ZNF18: variants seen among roughly 807,000 people sequenced by gnomAD.
ZNF18 encodes the protein zinc finger protein 18.
ZNF18 carries 42 observed loss-of-function variants against 58.1 expected under a neutral mutation model. The observed-to-expected ratio is 0.72, with a 90% CI of 0.56 to 0.93. The LOEUF is 0.93. ZNF18 is among the 40% of genes least tolerant of loss of function. ZNF18 has a pLI of 0.00. For missense variants in ZNF18, 540 were observed against 644.2 expected (o/e 0.84, Z 1.75); for synonymous variants, 231 against 239.8 (o/e 0.96, Z 0.34).
chr17:11,977,783 C>A lies in ZNF18; in HGVS notation c.*174G>T, dbSNP rs2151464731. On this transcript the variant is annotated 3_prime_UTR_variant, in exon 7 of 7. Coordinates refer to ENST00000580306, the MANE Select transcript of ZNF18 (RefSeq NM_001303281.2). ...TCAAGAATTTAAGCCATTGTGCAATCCAATCCAAGATATCCTCCAAGTCCA... is the reference window on the plus strand; with the variant it reads ...TCAAGAATTTAAGCCATTGTGCAATACAATCCAAGATATCCTCCAAGTCCA... 1 of 696,964 alleles carries A rather than the reference C, an allele frequency of 1.4e-6. No homozygotes were observed. Among genetic ancestry groups the A allele is most frequent in the East Asian group, 2.8e-5 (1 of 35,606 alleles). 43.2% of individuals were successfully genotyped at this position (696,964 alleles called of 1,614,324 possible).
intron 1 of ZNF18, chr17:11,997,043 G>C (rs1474619755): frequency 2.0e-5 from 3 of 152,472 alleles, no homozygotes; most frequent in Admixed American, 1.3e-4. Context: ...ACTGCACTCT[G>C]ATGAGAGAGG....
intron 5 of ZNF18, among the ~76,000 whole-genome samples, 179 bp downstream of exon 5, chr17:11,983,933 AG>A (rs1355536454): frequency 2.0e-5 from 3 of 152,200 alleles, no homozygotes; most frequent in African/African-American, 4.8e-5. Flanking sequence ...TTTCAATACA[AG>A]GAAGTTCTTA....
the ZNF18 span, among the ~76,000 whole-genome samples, chr17:12,018,027 G>T: frequency 6.6e-6 from 1 of 152,168 alleles, no homozygotes; most frequent in East Asian, 1.9e-4. Context: ...GGGGGACTTT[G>T]ATATTGCCAT....
the ZNF18 span, among the ~76,000 whole-genome samples, chr17:12,015,284 A>G: frequency 6.6e-6 from 1 of 152,194 alleles, no homozygotes; most frequent in Non-Finnish European, 1.5e-5. Flanking sequence ...GGTCTCACAT[A>G]AGACCACATT....
upstream of ZNF18, among the ~76,000 whole-genome samples, chr17:11,997,751 G>A (rs1280960537): frequency 1.3e-5 from 2 of 152,188 alleles, no homozygotes; most frequent in African/African-American, 4.8e-5. Flanking sequence ...CCAGGCACTC[G>A]GCCAAGCACT....
At chr17:11,985,088 G>A (rs184746106) in intron 4 of ZNF18, among the ~76,000 whole-genome samples, 47 of 152,294 alleles carry the variant, frequency 3.1e-4, no homozygotes, top group Middle Eastern at 6.8e-3. Flanking sequence ...TTAAAGTTCT[G>A]CATTTAGAGT....
chr17:11,978,645 G>C lies in ZNF18; in HGVS notation c.962C>G (p.Ser321Cys). ...GAAGAAGCCCCTCAAGGAAGCCTGA[G>C]AAGGAACCTCTCCTGAAGCTTGACA... ...ASCQASGEVP[S>C]QASLRGFFTE... Residue 321 changes from serine to cysteine, a missense_variant, in exon 7 of 7, where the codon TCT becomes TGT. Coordinates refer to ENST00000580306, the MANE Select transcript of ZNF18 (RefSeq NM_001303281.2). The C allele has an allele frequency of 6.2e-7, 1 of 1,613,864 alleles. No individual in the cohort carries two copies. Among genetic ancestry groups the C allele is most frequent in the Non-Finnish European group, 8.5e-7 (1 of 1,180,018 alleles).
intron 4 of ZNF18, 72 bp from the exon 5 acceptor site, chr17:11,984,269 C>T: frequency 1.4e-6 from 2 of 1,441,406 alleles, no homozygotes; most frequent in Non-Finnish European, 1.9e-6. Flanking sequence ...CCTTCCCTGC[C>T]TAAAGGAAAG....
chr17:12,020,959 G>A, the ZNF18 span: 4 of 1,215,038 alleles, frequency 3.3e-6, no homozygotes, highest in African/African-American at 1.6e-5. Flanking sequence ...CGGCCCCGTA[G>A]GGTCCCCGGC....
intron 4 of ZNF18, among the ~76,000 whole-genome samples, chr17:11,984,919 T>G (rs550839627): frequency 3.4e-4 from 52 of 152,146 alleles, no homozygotes; most frequent in African/African-American, 1.2e-3. Context: ...ATCAGGAAAT[T>G]CAAAAAGCAA....
At chr17:11,993,101 C>G (rs779330773) in intron 1 of ZNF18, among the ~76,000 whole-genome samples, 190 bp from the exon 2 acceptor site, 10 of 152,182 alleles carry the variant, frequency 6.6e-5, no homozygotes, top group Non-Finnish European at 5.9e-5. Context: ...GATACTGTAT[C>G]TAAACAGCCA....
At chr17:11,981,051 C>G (rs1967309107) in intron 6 of ZNF18, among the ~76,000 whole-genome samples, 3 of 152,150 alleles carry the variant, frequency 2.0e-5, no homozygotes, top group Non-Finnish European at 4.4e-5. Flanking sequence ...TCCATATGGT[C>G]AACTATAACA....
At chr17:12,020,905 AGCG>A in the ZNF18 span, 16 of 1,168,874 alleles carry the variant, frequency 1.4e-5, no homozygotes, top group East Asian at 7.4e-5. Flanking sequence ...TCCGAGCCCG[AGCG>A]GCGGCGGCGG....
chr17:12,020,903 C>G, the ZNF18 span: 1 of 1,216,228 alleles, frequency 8.2e-7, no homozygotes, highest in Non-Finnish European at 1.0e-6. Context: ...GCTCCGAGCC[C>G]GAGCGGCGGC....
chr17:12,004,009 G>GA, the ZNF18 span, among the ~76,000 whole-genome samples: 1 of 152,008 alleles, frequency 6.6e-6, no homozygotes, highest in African/African-American at 2.4e-5. Flanking sequence ...GAGGCGGGCG[G>GA]ATCACAAGGT....
At chr17:11,994,252 C>G (rs1382107657) in intron 1 of ZNF18, among the ~76,000 whole-genome samples, 1 of 151,924 alleles carries the variant, frequency 6.6e-6, no homozygotes, top group Non-Finnish European at 1.5e-5. Context: ...TACCGTTTCA[C>G]CAAAATAATT....
rs115919036 is a variant in ZNF18 at position 11,996,147 on chromosome 17, T to C, written c.-83+1284A>G. Among the ~76,000 whole-genome samples, 1,370 of 152,256 alleles carry C rather than the reference T, an allele frequency of 9.0e-3. 22 individuals are homozygous for C. Among genetic ancestry groups the C allele is most frequent in the African/African-American group, 0.032 (1,311 of 41,548 alleles). On this transcript the variant is annotated intron_variant, in intron 1 of 6. Coordinates refer to ENST00000580306, the MANE Select transcript of ZNF18 (RefSeq NM_001303281.2). ...CAAAGAAAAAAATCACAAAGGAAAT[T>C]AAAATATGTTTTCATACTGAGTGAC...
At chr17:11,982,657 A>AGTAT (rs1555534582) in intron 6 of ZNF18, among the ~76,000 whole-genome samples, 1 of 136,720 alleles carries the variant, frequency 7.3e-6, no homozygotes, top group Non-Finnish European at 1.6e-5. Context: ...TATATATAAA[A>AGTAT]GTGTGTGTGT....
chr17:11,979,219 A>T (rs1280613179), intron 6 of ZNF18, among the ~76,000 whole-genome samples: 1 of 152,126 alleles, frequency 6.6e-6, no homozygotes, highest in East Asian at 1.9e-4. Context: ...CTATGAGCAT[A>T]CATTTCCTTT....
Sources: allele counts gnomAD v4.1 joint callset (sites outside exome capture counted in the v4.1 genomes callset), GRCh38; gene constraint gnomAD v4.1.1; transcripts MANE v1.5; gene names NCBI Gene and HGNC (gene_info 2026-07-23, HGNC 2026-07-21).